The following MACROD1 variants were observed in gnomAD, a reference collection of about 807,000 sequenced individuals.
MACROD1 encodes the protein mono-ADP ribosylhydrolase 1, also known as ADP-ribose glycohydrolase MACROD1.
A neutral mutation model predicts 41.4 loss-of-function variants in MACROD1; 31 were observed. That is an observed-to-expected ratio of 0.75 (90% CI 0.56 to 1.01). The LOEUF is 1.01. MACROD1 is among the 50% of genes least tolerant of loss of function. MACROD1 has a pLI of 0.00. For synonymous variants in MACROD1, 252 were observed against 203.4 expected (o/e 1.24, Z -2.03); for missense variants, 473 against 460.0 (o/e 1.03, Z -0.26).
chr11:64,022,455 C>A (rs904710930), intron 3 of MACROD1, among the ~76,000 whole-genome samples: 2 of 152,178 alleles, frequency 1.3e-5, no homozygotes, highest in African/African-American at 4.8e-5. Flanking sequence ...GACCAGCTGG[C>A]AGGCCTGGCC....
chr11:64,138,621 C>T (rs1945364600), intron 3 of MACROD1: 1 of 875,856 alleles, frequency 1.1e-6, no homozygotes, highest in Non-Finnish European at 1.4e-6. Flanking sequence ...CCGGGCCTCT[C>T]TCCCCAACTG....
At chr11:64,100,333 G>C (rs1426057272) in intron 3 of MACROD1, among the ~76,000 whole-genome samples, 1 of 152,196 alleles carries the variant, frequency 6.6e-6, no homozygotes, top group Non-Finnish European at 1.5e-5. Flanking sequence ...GTTGTGATGT[G>C]ATTGACGACA....
intron 3 of MACROD1, among the ~76,000 whole-genome samples, chr11:64,033,924 C>T (rs909423509): frequency 6.6e-6 from 1 of 152,058 alleles, no homozygotes; most frequent in Non-Finnish European, 1.5e-5. Flanking sequence ...ACCACAGCCC[C>T]CCAAAGCTCT....
At chr11:64,001,033 A>G in intron 4 of MACROD1, 1 of 215,474 alleles carries the variant, frequency 4.6e-6, no homozygotes, top group Non-Finnish European at 9.3e-6. Flanking sequence ...CATCCAGCTT[A>G]ATTACGGCCC....
intron 4 of MACROD1, among the ~76,000 whole-genome samples, chr11:64,013,415 A>G (rs1858300592): frequency 6.6e-6 from 1 of 152,214 alleles, no homozygotes; most frequent in Non-Finnish European, 1.5e-5. Context: ...GAGCAAGGGC[A>G]TTGCAGGCAG....
rs1734711767 is a variant in MACROD1, at chr11:64,165,947, C to A, written c.48G>T (p.Ala16=). ...RLSGRLAQLR[A]AGQLLVPPRP... ...GCGGGGGGACGAGCAGCTGCCCCGC[C>A]GCGCGCAGCTGTGCCAGGCGGCCGG... is the stretch of plus-strand genomic sequence containing the variant. The change falls in exon 1 of 11, where the codon GCG becomes GCT. Residue 16 remains alanine, a synonymous_variant. Transcript: ENST00000255681. 7.6e-7 allele frequency: 1 copy of A among 1,316,406 alleles called. No homozygotes were observed. Among genetic ancestry groups the A allele is most frequent in the Non-Finnish European group, 9.6e-7 (1 of 1,039,852 alleles). The allele number at this position is 1,316,406 out of a possible 1,614,324, so 81.5% of individuals were successfully genotyped here. A position where few individuals can be genotyped will look rare whatever the true frequency, so the allele number is the denominator to read the frequency against.
chr11:64,112,136 C>T (rs1045820407), intron 3 of MACROD1, among the ~76,000 whole-genome samples: 3 of 152,192 alleles, frequency 2.0e-5, no homozygotes, highest in South Asian at 4.1e-4. Context: ...CTTTAGTGAG[C>T]ATCTGCCACG....
chr11:64,151,106 C>T (rs1945569137), intron 3 of MACROD1, 133 bp downstream of exon 3: 5 of 713,210 alleles, frequency 7.0e-6, no homozygotes, highest in South Asian at 3.4e-5. Context: ...GCTGCCATGG[C>T]GCCAGCAGGC....
chr11:64,005,117 C>T (rs1266860187), intron 4 of MACROD1, among the ~76,000 whole-genome samples: 1 of 152,000 alleles, frequency 6.6e-6, no homozygotes, highest in Non-Finnish European at 1.5e-5. Context: ...GCAACCTCCG[C>T]CTCCCGGGTT....
At chr11:64,091,639 CAG>C (rs1295474390) in intron 3 of MACROD1, among the ~76,000 whole-genome samples, 1 of 152,164 alleles carries the variant, frequency 6.6e-6, no homozygotes, top group East Asian at 1.9e-4. Flanking sequence ...CCCCATCCGA[CAG>C]ATAAGGAGAC....
chr11:64,130,208 G>C (rs555595307), intron 3 of MACROD1, among the ~76,000 whole-genome samples: 57 of 152,300 alleles, frequency 3.7e-4, no homozygotes, highest in African/African-American at 1.3e-3. Context: ...GGGCACGTGT[G>C]GGTAAGACCC....
At chr11:64,005,308 G>A (rs575390412) in intron 4 of MACROD1, among the ~76,000 whole-genome samples, 10 of 152,226 alleles carry the variant, frequency 6.6e-5, no homozygotes, top group Non-Finnish European at 1.0e-4. Context: ...GATTATAGGC[G>A]TGAGCCACCG....
intron 1 of MACROD1, among the ~76,000 whole-genome samples, chr11:64,159,586 G>A (rs573713786): frequency 2.5e-4 from 38 of 152,038 alleles, no homozygotes; most frequent in African/African-American, 8.9e-4. Flanking sequence ...CCTGAGGTCA[G>A]GAGTTTGAGA....
intron 3 of MACROD1, among the ~76,000 whole-genome samples, chr11:64,086,525 C>T (rs1375062794): frequency 6.6e-6 from 1 of 152,116 alleles, no homozygotes; most frequent in Non-Finnish European, 1.5e-5. Context: ...CGCCCTGCCC[C>T]AGGCTGAGTT....
chr11:64,119,062 T>G (rs1396862999), intron 3 of MACROD1: 1 of 167,300 alleles, frequency 6.0e-6, no homozygotes. Context: ...TGTCTATCCC[T>G]GTCGCGGTGT....
At chr11:64,041,765 C>G (rs928817968) in intron 3 of MACROD1, among the ~76,000 whole-genome samples, 3 of 152,164 alleles carry the variant, frequency 2.0e-5, no homozygotes, top group Admixed American at 6.5e-5. Flanking sequence ...TCTCTCTGGT[C>G]AGACCAGAGG....
At position 64,110,953 on chromosome 11, in the gene MACROD1, T is replaced by C. The variant is rs559075317; in HGVS notation, c.517+40286A>G. On this transcript the variant is annotated intron_variant, in intron 3 of 10. Transcript: ENST00000255681. ...AGAGGGCTCAGCCTCGGGCTGGCCT[T>C]GGGGAGGGGGGCGGCAGGGGAGCCT... 4.3e-4 allele frequency among the ~76,000 whole-genome samples: 66 copies of C among 152,170 alleles called. No homozygotes were observed. The East Asian group carries it at 0.01, about 24-fold the overall frequency.
intron 1 of MACROD1, among the ~76,000 whole-genome samples, chr11:64,160,473 C>A (rs1393691209): frequency 6.6e-6 from 1 of 152,066 alleles, no homozygotes; most frequent in Non-Finnish European, 1.5e-5. Flanking sequence ...TAGGTACAGC[C>A]CTGAAATGAG....
Position 63,998,610 on chromosome 11 carries a change from GAA to G in MACROD1, c.*106_*107del. ...CTCGGGGGCGGGGCGCGGAGGGAAA[GAA>G]GGGGTGGCCAGGCCCAGGCCAGGCT... On this transcript the variant is annotated 3_prime_UTR_variant, in exon 11 of 11. Coordinates refer to ENST00000255681, the MANE Select transcript of MACROD1 (RefSeq NM_014067.4). 1 of 1,285,114 alleles carries G rather than the reference GAA, an allele frequency of 7.8e-7. No individual in the cohort carries two copies. The highest frequency in any genetic ancestry group is 9.8e-7 in the Non-Finnish European group (1 of 1,018,468). The allele number at this position is 1,285,114 out of a possible 1,614,324, so 79.6% of individuals were successfully genotyped here. A position where few individuals can be genotyped will look rare whatever the true frequency, so the allele number is the denominator to read the frequency against.
Sources: gnomAD v4.1 joint callset for allele counts (sites outside exome capture counted in the v4.1 genomes callset) on GRCh38, gnomAD v4.1.1 for gene constraint, MANE v1.5 for transcripts, NCBI Gene and HGNC (gene_info 2026-07-23, HGNC 2026-07-21) for gene names.